The following PAM variants were observed in gnomAD, a reference collection of about 807,000 sequenced individuals.
PAM encodes the protein peptidylglycine alpha-amidating monooxygenase, also known as peptidyl-glycine alpha-amidating monooxygenase.
PAM carries 72 observed loss-of-function variants against 122.1 expected under a neutral mutation model. The observed-to-expected ratio is 0.59, with a 90% confidence interval of 0.49 to 0.72. The LOEUF is 0.72. PAM is among the 30% of genes least tolerant of loss of function. The pLI is 0.00. For missense variants in PAM, 1,106 were observed against 1,183.7 expected (o/e 0.93, Z 0.96); for synonymous variants, 389 against 404.4 (o/e 0.96, Z 0.46).
At chr5:102,848,235 G>C (rs184025954) in intron 1 of PAM, among the ~76,000 whole-genome samples, 1 of 152,040 alleles carries the variant, frequency 6.6e-6, no homozygotes, top group East Asian at 1.9e-4. Flanking sequence ...ATAAGAAGAG[G>C]ATGTTGATAC....
intron 4 of PAM, among the ~76,000 whole-genome samples, chr5:102,901,936 T>C (rs970151729): frequency 1.6e-4 from 25 of 151,720 alleles, no homozygotes; most frequent in Admixed American, 1.6e-3. Flanking sequence ...GTTTGTATTA[T>C]AGAATAAGAG....
chr5:102,877,658 A>T (rs1387222895), intron 3 of PAM, among the ~76,000 whole-genome samples: 1 of 152,212 alleles, frequency 6.6e-6, no homozygotes, highest in Non-Finnish European at 1.5e-5. Flanking sequence ...AGTAATTATT[A>T]AAGGTACAAT....
chr5:102,806,897 C>G (rs963313594), intron 1 of PAM, among the ~76,000 whole-genome samples: 9 of 152,162 alleles, frequency 5.9e-5, no homozygotes, highest in African/African-American at 1.9e-4. Context: ...ATCCATTTTA[C>G]TATTTTTGTA....
At chr5:102,962,432 G>C (rs1762771340) in intron 14 of PAM, among the ~76,000 whole-genome samples, 1 of 151,750 alleles carries the variant, frequency 6.6e-6, no homozygotes, top group Non-Finnish European at 1.5e-5. Flanking sequence ...AGTTTGTTCA[G>C]ACTTTCAATG....
chr5:102,848,684 G>A (rs559661988), intron 1 of PAM, among the ~76,000 whole-genome samples: 2 of 152,110 alleles, frequency 1.3e-5, no homozygotes, highest in Non-Finnish European at 2.9e-5. Context: ...ACAGATAATA[G>A]AACTGAAACT....
At chr5:102,889,068 C>T (rs928976877) in intron 3 of PAM, among the ~76,000 whole-genome samples, 1 of 151,778 alleles carries the variant, frequency 6.6e-6, no homozygotes. Context: ...TAAGAACTGC[C>T]AAAGAGAAGT....
Position 102,927,634 on chromosome 5 carries a change from G to T in PAM, c.526+966G>T, listed in dbSNP as rs573545779. On this transcript the variant is annotated intron_variant, in intron 7 of 25. Transcript: ENST00000438793. The stretch of plus-strand genomic sequence containing the variant: ...CATGGGGTAGAAAGGACCATAGATT[G>T]CCAGCATTCAGAACGAGGACAGTAA... Among the ~76,000 whole-genome samples the T allele has an allele frequency of 3.2e-4, 49 of 152,094 alleles. No individual in the cohort carries two copies. The South Asian group carries it at 0.01, about 32-fold the overall frequency.
chr5:102,913,258 A>G (rs1459625371), intron 4 of PAM, among the ~76,000 whole-genome samples: 1 of 151,964 alleles, frequency 6.6e-6, no homozygotes, highest in African/African-American at 2.4e-5. Context: ...TTAATTATGC[A>G]CTTGTTTATT....
At chr5:102,913,767 A>G (rs1474693849) in intron 4 of PAM, among the ~76,000 whole-genome samples, 167 bp from the exon 5 acceptor site, 4 of 152,028 alleles carry the variant, frequency 2.6e-5, no homozygotes, top group Non-Finnish European at 5.9e-5. Context: ...TTATCAAGTC[A>G]TGCTTATCCT....
chr5:102,762,342 C>G (rs1752582009), intron 1 of PAM, among the ~76,000 whole-genome samples: 1 of 152,142 alleles, frequency 6.6e-6, no homozygotes, highest in Non-Finnish European at 1.5e-5. Context: ...AGAATTTTCC[C>G]CAGTTTCATG....
chr5:102,917,442 G>T (rs937906023), intron 5 of PAM, among the ~76,000 whole-genome samples: 51 of 152,168 alleles, frequency 3.4e-4, no homozygotes, highest in African/African-American at 1.2e-3. Context: ...TTTTGGGGAT[G>T]ATACCTATAA....
chr5:102,929,318 A>G (rs1750648117), intron 7 of PAM, among the ~76,000 whole-genome samples: 1 of 152,192 alleles, frequency 6.6e-6, no homozygotes, highest in Non-Finnish European at 1.5e-5. Flanking sequence ...CTCCAGATGC[A>G]CCTAGAAGTG....
At chr5:102,987,557 T>C (rs533994857) in intron 15 of PAM, 1 of 455,972 alleles carries the variant, frequency 2.2e-6, no homozygotes, top group Admixed American at 2.4e-5. Context: ...TGCAAAGAAA[T>C]GATAAGTGTT....
At chr5:102,861,873 A>G (rs1181720861) in intron 1 of PAM, among the ~76,000 whole-genome samples, 1 of 152,182 alleles carries the variant, frequency 6.6e-6, no homozygotes, top group African/African-American at 2.4e-5. Flanking sequence ...ATATGTTATA[A>G]AATATGCCTT....
intron 1 of PAM, among the ~76,000 whole-genome samples, chr5:102,813,406 T>G (rs1032139339): frequency 2.6e-5 from 4 of 152,174 alleles, no homozygotes; most frequent in Non-Finnish European, 4.4e-5. Flanking sequence ...ATGATGGCAG[T>G]AAAGTCATGC....
At chr5:102,982,330 G>A (rs1008856708) in intron 15 of PAM, among the ~76,000 whole-genome samples, 2 of 152,150 alleles carry the variant, frequency 1.3e-5, no homozygotes, top group African/African-American at 4.8e-5. Flanking sequence ...GTTCAGTGCT[G>A]ATACTGCCTT....
At chr5:103,001,853 ATATTTAATGT>A (rs1193361585) in intron 16 of PAM, among the ~76,000 whole-genome samples, 1 of 152,170 alleles carries the variant, frequency 6.6e-6, no homozygotes, top group East Asian at 1.9e-4. Context: ...ATAATAGCAA[ATATTTAATGT>A]TATTCAGATT....
intron 14 of PAM, among the ~76,000 whole-genome samples, chr5:102,965,664 T>C (rs10515337): frequency 0.27 from 41,543 of 151,918 alleles, 5,995 homozygotes; most frequent in East Asian, 0.43. Context: ...TGTGCCCTCA[T>C]ATAATCAATC....
chr5:103,005,387 T>C (rs1778651290), intron 18 of PAM, among the ~76,000 whole-genome samples, 161 bp downstream of exon 18: 1 of 152,236 alleles, frequency 6.6e-6, no homozygotes, highest in Admixed American at 6.5e-5. Context: ...CAGCATGTTA[T>C]AACAAAGTAC....
Sources: gnomAD v4.1 joint callset for allele counts (sites outside exome capture counted in the v4.1 genomes callset) on GRCh38, gnomAD v4.1.1 for gene constraint, MANE v1.5 for transcripts, NCBI Gene and HGNC (gene_info 2026-07-23, HGNC 2026-07-21) for gene names.